Variants in LARGE1 observed in about 807,000 individuals in gnomAD.
The protein encoded by LARGE1 is xylosyl- and glucuronyltransferase LARGE1.
A neutral mutation model predicts 87.6 loss-of-function variants in LARGE1; 43 were observed. The observed-to-expected ratio is 0.49, with a 90% CI of 0.38 to 0.63. The LOEUF is 0.63. Among genes scored for constraint, LARGE1 ranks in the 30% least tolerant of loss-of-function variants. The probability of loss-of-function intolerance (pLI) is 0.00; values close to 1 mark genes in which losing one functional copy is unlikely to be tolerated. For synonymous variants in LARGE1, 434 were observed against 394.6 expected, an observed-to-expected ratio of 1.10 and a Z score of -1.18; for missense variants, 802 against 1,000.2, an observed-to-expected ratio of 0.80 and a Z score of 2.67.
chr22:33,896,714 G>A (rs772134252), intron 1 of LARGE1, among the ~76,000 whole-genome samples: 31 of 152,156 alleles, frequency 2.0e-4, no homozygotes, highest in African/African-American at 7.0e-4. Flanking sequence ...TTCCACTCCC[G>A]GCTCCCACCC....
At chr22:33,136,573 T>A in the LARGE1 span, among the ~76,000 whole-genome samples, 11 of 152,260 alleles carry the variant, frequency 7.2e-5, no homozygotes, top group Middle Eastern at 3.4e-3. Context: ...TTTTTTACAA[T>A]TAACCTAAAA....
intron 6 of LARGE1, among the ~76,000 whole-genome samples, chr22:33,531,111 A>G (rs556096976): frequency 4.6e-5 from 7 of 152,304 alleles, no homozygotes; most frequent in African/African-American, 1.7e-4. Context: ...CAGTAGTACT[A>G]TACTTATAGA....
intron 6 of LARGE1, among the ~76,000 whole-genome samples, chr22:33,465,800 C>CT: frequency 6.6e-6 from 1 of 152,214 alleles, no homozygotes; most frequent in South Asian, 2.1e-4. Flanking sequence ...CCTAGTGTGG[C>CT]TCACAACAGG....
chr22:33,420,393 G>A (rs1307042995), intron 7 of LARGE1, among the ~76,000 whole-genome samples: 2 of 152,082 alleles, frequency 1.3e-5, no homozygotes, highest in African/African-American at 4.8e-5. Flanking sequence ...AAAGACACAG[G>A]GAAATTAAAA....
At chr22:33,804,784 A>G (rs553003627) in intron 1 of LARGE1, among the ~76,000 whole-genome samples, 17 of 152,318 alleles carry the variant, frequency 1.1e-4, no homozygotes, top group African/African-American at 4.1e-4. Flanking sequence ...GAGCATGCAG[A>G]GAGTGCAGTC....
Position 33,651,154 on chromosome 22 carries a change from G to A in LARGE1, c.107-486C>T, listed in dbSNP as rs565954749. On this transcript the variant is annotated intron_variant, in intron 2 of 14. Transcript: ENST00000397394. ...TCCCAGCACTTTGGGAGGCCAAGACGGGCGGATCACGAGGTCAGGAGATTG... is the reference window on the plus strand; with the variant it reads ...TCCCAGCACTTTGGGAGGCCAAGACAGGCGGATCACGAGGTCAGGAGATTG... 4.0e-5 allele frequency among the ~76,000 whole-genome samples: 6 copies of A among 149,638 alleles called. 1 individual carries two copies. Among genetic ancestry groups the A allele is most frequent in the Admixed American group, 4.0e-4 (6 of 15,010 alleles).
chr22:33,560,278 G>A (rs1252913076), intron 6 of LARGE1, among the ~76,000 whole-genome samples: 1 of 152,166 alleles, frequency 6.6e-6, no homozygotes, highest in African/African-American at 2.4e-5. Flanking sequence ...CACAGACTAA[G>A]TGCTTAAACA....
the LARGE1 span, among the ~76,000 whole-genome samples, chr22:33,073,878 G>GCCCTGCAGA: frequency 1.3e-5 from 2 of 152,220 alleles, no homozygotes; most frequent in African/African-American, 4.8e-5. Context: ...CCAGACAACA[G>GCCCTGCAGA]CCCTGCAGAC....
chr22:33,722,311 GGAGGGA>G (rs1464164178), intron 2 of LARGE1, among the ~76,000 whole-genome samples: 46 of 140,742 alleles, frequency 3.3e-4, no homozygotes, highest in Non-Finnish European at 5.7e-4. Flanking sequence ...GAGAGGGAGA[GGAGGGA>G]GAGGGAGAGG....
intron 2 of LARGE1, among the ~76,000 whole-genome samples, chr22:33,671,267 T>C (rs2081402827): frequency 6.6e-6 from 1 of 152,196 alleles, no homozygotes; most frequent in Non-Finnish European, 1.5e-5. Flanking sequence ...CCAGAATGGC[T>C]ACATTTCACC....
chr22:33,843,733 G>C (rs1236889084), intron 1 of LARGE1, among the ~76,000 whole-genome samples: 4 of 151,996 alleles, frequency 2.6e-5, no homozygotes, highest in Non-Finnish European at 4.4e-5. Context: ...AAAGGCCACT[G>C]GTCCAAAATG....
intron 11 of LARGE1, among the ~76,000 whole-genome samples, chr22:33,311,311 A>G (rs1244067552): frequency 1.3e-5 from 2 of 152,152 alleles, no homozygotes; most frequent in African/African-American, 4.8e-5. Flanking sequence ...AGAAGGATGG[A>G]TCCCACTGGC....
At chr22:33,405,359 A>G (rs1376725389) in intron 7 of LARGE1, among the ~76,000 whole-genome samples, 1 of 152,238 alleles carries the variant, frequency 6.6e-6, no homozygotes, top group South Asian at 2.1e-4. Flanking sequence ...TGGAGCCCAC[A>G]TCAGGGCTGC....
intron 1 of LARGE1, among the ~76,000 whole-genome samples, chr22:33,781,064 C>T (rs957489559): frequency 6.6e-6 from 1 of 152,216 alleles, no homozygotes; most frequent in African/African-American, 2.4e-5. Context: ...TGTTGTCTGG[C>T]TTTAAGAATC....
intron 9 of LARGE1, among the ~76,000 whole-genome samples, chr22:33,352,036 C>A (rs1569085196): frequency 6.6e-6 from 1 of 152,132 alleles, no homozygotes; most frequent in Non-Finnish European, 1.5e-5. Flanking sequence ...CAAGGCCTGG[C>A]AAAAATTAGT....
At chr22:33,854,797 G>A (rs866338214) in intron 1 of LARGE1, among the ~76,000 whole-genome samples, 2 of 152,328 alleles carry the variant, frequency 1.3e-5, no homozygotes, top group South Asian at 2.1e-4. Flanking sequence ...TGTTGAAACA[G>A]TTATTCATAA....
Position 33,653,997 on chromosome 22 carries a change from C to A in LARGE1, c.107-3329G>T, listed in dbSNP as rs117584229. 5.3e-4 allele frequency among the ~76,000 whole-genome samples: 80 copies of A among 152,304 alleles called. No individual in the cohort carries two copies. In the East Asian group the frequency reaches 0.014, roughly 27 times the overall value. On this transcript the variant is annotated intron_variant, in intron 2 of 14. Transcript: ENST00000397394. ...TCTCCTGAAAGTCCCATATTTTAAA[C>A]ATTTACGTAAATTATGATTGTCTGA...
At chr22:33,500,970 C>G (rs1415745534) in intron 6 of LARGE1, among the ~76,000 whole-genome samples, 1 of 151,988 alleles carries the variant, frequency 6.6e-6, no homozygotes, top group Non-Finnish European at 1.5e-5. Flanking sequence ...CATTATGAGA[C>G]CAGTGAAAAG....
chr22:33,521,364 AGGGTG>A (rs1289641027), intron 6 of LARGE1, among the ~76,000 whole-genome samples: 1 of 152,204 alleles, frequency 6.6e-6, no homozygotes, highest in African/African-American at 2.4e-5. Context: ...TGGCTACTAT[AGGGTG>A]GCCTTACCTG....
Sources: gnomAD v4.1 joint callset for allele counts (sites outside exome capture counted in the v4.1 genomes callset) on GRCh38, gnomAD v4.1.1 for gene constraint, MANE v1.5 for transcripts, NCBI Gene and HGNC (gene_info 2026-07-23, HGNC 2026-07-21) for gene names.